Variants in TEX11 observed in about 807,000 individuals in gnomAD.
TEX11 encodes the protein testis-expressed protein 11.
A neutral mutation model predicts 84.4 loss-of-function variants in TEX11; 7 were observed. That is an observed-to-expected ratio of 0.08 (90% CI 0.05 to 0.16). The LOEUF (loss-of-function observed/expected upper bound fraction) is 0.16. Among genes scored for constraint, TEX11 ranks in the 10% least tolerant of loss-of-function variants. The probability of loss-of-function intolerance (pLI) is 1.00; values close to 1 mark genes in which losing one functional copy is unlikely to be tolerated. For missense variants in TEX11, 551 were observed against 660.5 expected (o/e 0.83, Z 1.82); for synonymous variants, 264 against 222.8 (o/e 1.18, Z -1.64).
chrX:70,634,515 T>G (rs2089546335), intron 17 of TEX11, among the ~76,000 whole-genome samples: 1 of 111,439 alleles, frequency 9.0e-6, no homozygotes, highest in Non-Finnish European at 1.9e-5. Context: ...ACTTCAAATT[T>G]ATTACATAGC....
intron 8 of TEX11, among the ~76,000 whole-genome samples, chrX:70,828,094 G>A (rs769857449): frequency 9.0e-6 from 1 of 111,247 alleles, no homozygotes; most frequent in African/African-American, 3.3e-5. Context: ...TTGAATAACT[G>A]GAAGGCCTTC....
At position 70,816,627 on chromosome X, in the gene TEX11, G is replaced by A. The variant is rs189829652; in HGVS notation, c.607-9837C>T. On this transcript the variant is annotated intron_variant, in intron 8 of 29. Coordinates refer to ENST00000374333, the MANE Select transcript of TEX11 (RefSeq NM_031276.3). The stretch of plus-strand genomic sequence containing the variant: ...CTCAGGAGGCTGAGGCAGGACAATC[G>A]CTTGAACCTGGGAGGCGGCAGTTGC... Among the ~76,000 whole-genome samples, 3 of 109,527 alleles carry A rather than the reference G, an allele frequency of 2.7e-5. No individual in the cohort carries two copies. The East Asian group carries it at 8.6e-4, about 31-fold the overall frequency.
At chrX:70,765,492 A>T (rs1019390602) in intron 9 of TEX11, among the ~76,000 whole-genome samples, 1 of 111,999 alleles carries the variant, frequency 8.9e-6, no homozygotes, top group African/African-American at 3.2e-5. Flanking sequence ...TATACAAATC[A>T]ATCAATGTGA....
chrX:70,800,498 C>T (rs181603924), intron 9 of TEX11, among the ~76,000 whole-genome samples: 1 of 111,213 alleles, frequency 9.0e-6, no homozygotes, highest in African/African-American at 3.3e-5. Flanking sequence ...AATGTTTTTT[C>T]TCCAGAGATA....
intron 28 of TEX11, 101 bp from the exon 29 acceptor site, chrX:70,530,100 G>C: frequency 1.3e-6 from 1 of 758,733 alleles, no homozygotes; most frequent in Non-Finnish European, 1.9e-6. Context: ...ACAAACAATA[G>C]GAGCTCTGCT....
At chrX:70,520,560 C>T in the TEX11 span, among the ~76,000 whole-genome samples, 2 of 112,514 alleles carry the variant, frequency 1.8e-5, no homozygotes, top group African/African-American at 6.5e-5. Context: ...TTGGCCCCCA[C>T]TGGGAGATGT....
At chrX:70,595,174 C>T (rs919522805) in intron 24 of TEX11, among the ~76,000 whole-genome samples, 5 of 111,148 alleles carry the variant, frequency 4.5e-5, no homozygotes, top group Non-Finnish European at 7.5e-5. Flanking sequence ...CTCTGCCTGC[C>T]GGATTCAAGT....
chrX:70,520,812 A>G, the TEX11 span, among the ~76,000 whole-genome samples: 32,877 of 110,491 alleles, frequency 0.3, 6,173 homozygotes, highest in African/African-American at 0.69. Flanking sequence ...CTTCCTGGCC[A>G]CTTTGTTTAC....
chrX:70,585,764 C>T (rs1318450009), intron 25 of TEX11, among the ~76,000 whole-genome samples: 2 of 112,426 alleles, frequency 1.8e-5, no homozygotes, highest in African/African-American at 3.2e-5. Context: ...AAAGAATAGT[C>T]TCTTCAGGCC....
the TEX11 span, among the ~76,000 whole-genome samples, chrX:70,515,264 CTCCA>C: frequency 9.4e-6 from 1 of 106,504 alleles, no homozygotes. Context: ...GCTATCCCTC[CTCCA>C]CCCCCCCCCA....
intron 8 of TEX11, among the ~76,000 whole-genome samples, chrX:70,823,691 T>G (rs1230609483): frequency 9.0e-6 from 1 of 111,343 alleles, no homozygotes; most frequent in Non-Finnish European, 1.9e-5. Context: ...AATGGCCAAA[T>G]GTAGAAAGAG....
chrX:70,671,745 C>A (rs1000365702), intron 15 of TEX11, among the ~76,000 whole-genome samples: 1 of 108,109 alleles, frequency 9.2e-6, no homozygotes, highest in Non-Finnish European at 1.9e-5. Context: ...TTCTTTGTTT[C>A]TCAGATTTTG....
chrX:70,778,032 AAAGTG>A (rs1428138622), intron 9 of TEX11, among the ~76,000 whole-genome samples: 1 of 112,226 alleles, frequency 8.9e-6, no homozygotes, highest in African/African-American at 3.2e-5. Flanking sequence ...ACATAGGCTG[AAAGTG>A]AAGGGATGGA....
intron 13 of TEX11, among the ~76,000 whole-genome samples, chrX:70,716,696 G>A (rs1161185744): frequency 9.0e-6 from 1 of 110,831 alleles, no homozygotes; most frequent in East Asian, 2.9e-4. Flanking sequence ...ATCACCCCTA[G>A]GAAAGGGAAT....
At chrX:70,737,263 T>A (rs2090702694) in intron 11 of TEX11, among the ~76,000 whole-genome samples, 1 of 111,232 alleles carries the variant, frequency 9.0e-6, no homozygotes, top group Non-Finnish European at 1.9e-5. Flanking sequence ...GAAAGATTAA[T>A]GAACTTAAAA....
At position 70,753,775 on chromosome X, in the gene TEX11, C is replaced by A. The variant is rs1186124877; in HGVS notation, c.693-9556G>T. Among the ~76,000 whole-genome samples, 9 of 109,839 alleles carry A rather than the reference C, an allele frequency of 8.2e-5. No homozygotes were observed. The East Asian group carries it at 2.6e-3, about 32-fold the overall frequency. Reference sequence around the variant, plus strand: ...CCAGCTCAACCACAGCAGGATAGGACAAGGGTTAGGGTTGTGAGGCCTCCT... The same window carrying A: ...CCAGCTCAACCACAGCAGGATAGGAAAAGGGTTAGGGTTGTGAGGCCTCCT... On this transcript the variant is annotated intron_variant, in intron 9 of 29. Coordinates refer to ENST00000374333, the MANE Select transcript of TEX11 (RefSeq NM_031276.3).
intron 17 of TEX11, among the ~76,000 whole-genome samples, chrX:70,646,854 A>G (rs1057146360): frequency 8.9e-6 from 1 of 112,139 alleles, no homozygotes; most frequent in Admixed American, 9.5e-5. Flanking sequence ...GAACTACCAT[A>G]TGATCCAGCA....
chrX:70,613,485 C>T (rs2089285143), intron 20 of TEX11, among the ~76,000 whole-genome samples: 1 of 112,090 alleles, frequency 8.9e-6, no homozygotes, highest in Non-Finnish European at 1.9e-5. Flanking sequence ...CCAACTCCCG[C>T]TAACAGAGGG....
chrX:70,757,112 G>T (rs1415853378), intron 9 of TEX11, among the ~76,000 whole-genome samples: 1 of 112,035 alleles, frequency 8.9e-6, no homozygotes, highest in Non-Finnish European at 1.9e-5. Context: ...AAGAAATATG[G>T]GACTATGTGA....
Sources: allele counts gnomAD v4.1 joint callset (sites outside exome capture counted in the v4.1 genomes callset), GRCh38; gene constraint gnomAD v4.1.1; transcripts MANE v1.5; gene names NCBI Gene and HGNC (gene_info 2026-07-23, HGNC 2026-07-21).